ATP11B: variants seen among roughly 807,000 people sequenced by gnomAD.
ATP11B encodes the protein phospholipid-transporting ATPase IF.
ATP11B carries 81 observed loss-of-function variants against 157.8 expected under a neutral mutation model. The observed-to-expected ratio is 0.51, with a 90% CI of 0.43 to 0.62. The LOEUF is 0.62. Among genes scored for constraint, ATP11B ranks in the 20% least tolerant of loss-of-function variants. The pLI, the probability that ATP11B is intolerant of heterozygous loss-of-function variation, is 0.00. For missense variants in ATP11B, 1,165 were observed against 1,402.2 expected, an observed-to-expected ratio of 0.83 and a Z score of 2.70; for synonymous variants, 451 against 469.4, an observed-to-expected ratio of 0.96 and a Z score of 0.51.
rs1209763627 is a variant in ATP11B at position 182,920,686 on chromosome 3, C to A, written c.*2582C>A. Reference sequence around the variant, plus strand: ...AGCACCAAGTCAGTTTCCAAAATTGCCCCTCAGCTGCTTTAAGTGACTCAG... The same window carrying A: ...AGCACCAAGTCAGTTTCCAAAATTGACCCTCAGCTGCTTTAAGTGACTCAG... On this transcript the variant is annotated 3_prime_UTR_variant, in exon 30 of 30. Transcript: ENST00000323116. The A allele has an allele frequency of 1.3e-5, 2 of 152,264 alleles. No individual in the cohort carries two copies. Among genetic ancestry groups the A allele is most frequent in the East Asian group, 3.8e-4 (2 of 5,200 alleles). The allele number at this position is 152,264 out of a possible 1,614,324, so 9.4% of individuals were successfully genotyped here.
chr3:182,877,604 T>C (rs1329580284), intron 19 of ATP11B, among the ~76,000 whole-genome samples: 1 of 152,116 alleles, frequency 6.6e-6, no homozygotes, highest in African/African-American at 2.4e-5. Flanking sequence ...ATCACACCAC[T>C]GCACTCCAGC....
chr3:182,911,402 C>T (rs1350892860), intron 28 of ATP11B, among the ~76,000 whole-genome samples: 2 of 150,512 alleles, frequency 1.3e-5, no homozygotes, highest in Admixed American at 6.7e-5. Flanking sequence ...AGTAGTCTGC[C>T]TCTTATAATC....
intron 7 of ATP11B, among the ~76,000 whole-genome samples, chr3:182,840,022 A>C (rs1353947007): frequency 6.6e-6 from 1 of 152,164 alleles, no homozygotes; most frequent in Non-Finnish European, 1.5e-5. Context: ...AGCTGAATTA[A>C]TGATCATTTT....
At position 182,840,563 on chromosome 3, in the gene ATP11B, G is replaced by A. The variant is rs989929922; in HGVS notation, c.657-1512G>A. On this transcript the variant is annotated intron_variant, in intron 7 of 29. Transcript: ENST00000323116. ...TAATAATCAAGCTGAAAACTAAACT[G>A]CTAATCTTCCTGAAAGAAACCTTTT... is the stretch of plus-strand genomic sequence containing the variant. 2.0e-5 allele frequency among the ~76,000 whole-genome samples: 3 copies of A among 152,142 alleles called. No homozygotes were observed. In the East Asian group the frequency reaches 5.8e-4, roughly 29 times the overall value.
chr3:182,846,217 C>G (rs1560082998), intron 9 of ATP11B, among the ~76,000 whole-genome samples: 1 of 151,906 alleles, frequency 6.6e-6, no homozygotes, highest in Non-Finnish European at 1.5e-5. Context: ...GATCTTCTTT[C>G]CCATTTGCTC....
In ATP11B at chr3:182,848,574, C is replaced by T; in HGVS notation, c.851+17C>T. The T allele has an allele frequency of 6.9e-7, 1 of 1,447,654 alleles. No individual in the cohort carries two copies. Among genetic ancestry groups the T allele is most frequent in the Non-Finnish European group, 9.3e-7 (1 of 1,071,996 alleles). 89.7% of individuals were successfully genotyped at this position (1,447,654 alleles called of 1,614,324 possible). On this transcript the variant is annotated intron_variant, in intron 10 of 29. Transcript: ENST00000323116. ...AGTAGAAAAGTAAGAAAACTGTTTTCATTTATTTATATGTAATTATAACTC... is the reference window on the plus strand; with the variant it reads ...AGTAGAAAAGTAAGAAAACTGTTTTTATTTATTTATATGTAATTATAACTC...
intron 1 of ATP11B, among the ~76,000 whole-genome samples, chr3:182,811,781 AG>A (rs1716682399): frequency 6.6e-6 from 1 of 152,230 alleles, no homozygotes; most frequent in South Asian, 2.1e-4. Flanking sequence ...ATCTGATAAC[AG>A]GAACAGCATA....
chr3:182,869,421 G>A (rs1476767231), intron 17 of ATP11B, 90 bp downstream of exon 17: 1 of 909,640 alleles, frequency 1.1e-6, no homozygotes, highest in Non-Finnish European at 1.6e-6. Flanking sequence ...ATCAAAAATT[G>A]TGGACATTCT....
chr3:182,916,215 A>G (rs1725132543), intron 29 of ATP11B: 1 of 985,168 alleles, frequency 1.0e-6, no homozygotes, highest in African/African-American at 1.7e-5. Context: ...GGGCATTTCC[A>G]TTGTGACTTT....
chr3:182,862,767 C>T (rs1720940689), intron 12 of ATP11B, among the ~76,000 whole-genome samples: 1 of 151,726 alleles, frequency 6.6e-6, no homozygotes. Flanking sequence ...AAACTTGTGT[C>T]AATCTTCCCT....
At chr3:182,813,740 T>G (rs1206512037) in intron 1 of ATP11B, among the ~76,000 whole-genome samples, 2 of 152,192 alleles carry the variant, frequency 1.3e-5, no homozygotes, top group African/African-American at 2.4e-5. Context: ...TATTTTTTAT[T>G]TTTTTGAGGC....
At chr3:182,862,561 T>C (rs961568975) in intron 12 of ATP11B, among the ~76,000 whole-genome samples, 3 of 152,170 alleles carry the variant, frequency 2.0e-5, no homozygotes, top group Non-Finnish European at 4.4e-5. Flanking sequence ...AGTTTGCAAC[T>C]TTTAAAGAGA....
At chr3:182,836,676 T>A in intron 6 of ATP11B, 1 of 526,428 alleles carries the variant, frequency 1.9e-6, no homozygotes, top group South Asian at 4.0e-5. Context: ...TTAATCCAAG[T>A]TAAAAACAGA....
At chr3:182,834,330 T>C (rs1576990776) in intron 4 of ATP11B, among the ~76,000 whole-genome samples, 1 of 152,306 alleles carries the variant, frequency 6.6e-6, no homozygotes, top group South Asian at 2.1e-4. Context: ...CTTTTTATTT[T>C]ATAATTTCAT....
intron 29 of ATP11B, chr3:182,914,941 G>C (rs1725043621): frequency 1.0e-6 from 1 of 985,248 alleles, no homozygotes; most frequent in African/African-American, 1.7e-5. Flanking sequence ...AGAGATGTTG[G>C]TTGCCATTGT....
At chr3:182,799,183 CAA>C (rs1715818052) in intron 1 of ATP11B, among the ~76,000 whole-genome samples, 1 of 152,176 alleles carries the variant, frequency 6.6e-6, no homozygotes, top group African/African-American at 2.4e-5. Flanking sequence ...AATAATTTAT[CAA>C]GTCAACATCG....
At chr3:182,859,484 T>A (rs992723545) in intron 12 of ATP11B, 125 bp downstream of exon 12, 9 of 659,336 alleles carry the variant, frequency 1.4e-5, no homozygotes, top group Admixed American at 3.7e-5. Context: ...TTTGCTCCAC[T>A]CCTAGCTGTT....
intron 21 of ATP11B, among the ~76,000 whole-genome samples, chr3:182,882,641 C>T (rs550154272): frequency 1.3e-5 from 2 of 151,970 alleles, no homozygotes; most frequent in South Asian, 2.1e-4. Context: ...CTGTTATTTG[C>T]GGTATGGAAG....
intron 29 of ATP11B, chr3:182,917,679 C>T: frequency 1.0e-6 from 1 of 985,262 alleles, no homozygotes; most frequent in Non-Finnish European, 1.2e-6. Context: ...CTGAACTTTT[C>T]AGTAAAACAA....
Sources: allele counts gnomAD v4.1 joint callset (sites outside exome capture counted in the v4.1 genomes callset), GRCh38; gene constraint gnomAD v4.1.1; transcripts MANE v1.5; gene names NCBI Gene and HGNC (gene_info 2026-07-23, HGNC 2026-07-21).